RBMS3: variants seen among roughly 807,000 people sequenced by gnomAD.
RBMS3 encodes RNA binding motif single stranded interacting protein 3.
In RBMS3, 27 loss-of-function variants were observed where a neutral mutation model predicts 66.8. That is an observed-to-expected ratio of 0.40 (90% CI 0.30 to 0.56). The LOEUF is 0.56. Among genes scored for constraint, RBMS3 ranks in the 20% least tolerant of loss-of-function variants. RBMS3 has a pLI of 0.40. For missense variants in RBMS3, 513 were observed against 549.5 expected (o/e 0.93, Z 0.66); for synonymous variants, 188 against 183.0 (o/e 1.03, Z -0.22).
chr3:29,784,930 A>G (rs1262599435), intron 6 of RBMS3, among the ~76,000 whole-genome samples: 4 of 152,110 alleles, frequency 2.6e-5, no homozygotes, highest in Non-Finnish European at 5.9e-5. Flanking sequence ...TGGAAAACCT[A>G]GAGGAGATGG....
intron 4 of RBMS3, among the ~76,000 whole-genome samples, chr3:29,663,188 AT>A (rs1559547670): frequency 6.6e-6 from 1 of 152,170 alleles, no homozygotes. Flanking sequence ...TGTGGAATAA[AT>A]TTTTTTAAAT....
chr3:29,461,966 T>C (rs11922140), intron 2 of RBMS3, among the ~76,000 whole-genome samples: 129,321 of 136,466 alleles, frequency 0.95, 61,328 homozygotes, highest in African/African-American at 0.98. Context: ...TTAGTACAGA[T>C]GAGGTTTCAC....
chr3:29,469,901 G>A (rs889401911), intron 2 of RBMS3, among the ~76,000 whole-genome samples: 1 of 148,360 alleles, frequency 6.7e-6, no homozygotes, highest in Admixed American at 6.8e-5. Flanking sequence ...TTTATAAAAA[G>A]CCTTTCACAT....
intron 3 of RBMS3, among the ~76,000 whole-genome samples, chr3:29,551,410 T>G (rs2149032209): frequency 6.6e-6 from 1 of 152,328 alleles, no homozygotes; most frequent in Admixed American, 6.5e-5. Context: ...AAGCCCCAAA[T>G]TAGATGTATT....
chr3:29,794,805 G>T (rs1297027819), intron 6 of RBMS3, among the ~76,000 whole-genome samples: 1 of 152,148 alleles, frequency 6.6e-6, no homozygotes, highest in Admixed American at 6.5e-5. Flanking sequence ...CATGTGCCCG[G>T]TACACAGCTA....
chr3:29,580,122 T>C (rs2047272622), intron 3 of RBMS3, among the ~76,000 whole-genome samples: 2 of 152,196 alleles, frequency 1.3e-5, no homozygotes, highest in African/African-American at 4.8e-5. Context: ...AATTTGTCTG[T>C]CTTTGTAATT....
At chr3:29,454,368 G>A (rs984567195) in intron 2 of RBMS3, among the ~76,000 whole-genome samples, 6 of 152,204 alleles carry the variant, frequency 3.9e-5, no homozygotes, top group Non-Finnish European at 7.3e-5. Flanking sequence ...CACAGACACC[G>A]TAATACTGTT....
intron 4 of RBMS3, among the ~76,000 whole-genome samples, chr3:29,708,988 G>T (rs998914481): frequency 2.0e-5 from 3 of 152,120 alleles, no homozygotes; most frequent in Non-Finnish European, 4.4e-5. Flanking sequence ...TGTATTTTAT[G>T]CCTGGCCGTC....
chr3:29,786,497 G>T (rs10222391), intron 6 of RBMS3, among the ~76,000 whole-genome samples: 3 of 151,832 alleles, frequency 2.0e-5, no homozygotes, highest in Non-Finnish European at 2.9e-5. Flanking sequence ...AAAAATAGGC[G>T]CATAGACCAA....
chr3:30,001,140 T>G (rs1043765468), intron 14 of RBMS3, among the ~76,000 whole-genome samples: 1 of 152,120 alleles, frequency 6.6e-6, no homozygotes, highest in Non-Finnish European at 1.5e-5. Flanking sequence ...ACAATTTTTT[T>G]AAATATTCAT....
At chr3:29,340,934 ATTAAT>A (rs1375060528) in intron 1 of RBMS3, among the ~76,000 whole-genome samples, 3 of 152,062 alleles carry the variant, frequency 2.0e-5, no homozygotes, top group South Asian at 2.1e-4. Context: ...TGCTTTTTAA[ATTAAT>A]TTAAACTTAG....
chr3:29,660,458 G>A (rs1055545474), intron 4 of RBMS3, among the ~76,000 whole-genome samples: 5 of 152,070 alleles, frequency 3.3e-5, no homozygotes, highest in Admixed American at 3.3e-4. Flanking sequence ...GCAGATAGTT[G>A]GATTATGTTT....
chr3:29,966,086 A>C (rs562071405), intron 12 of RBMS3, among the ~76,000 whole-genome samples: 1 of 152,134 alleles, frequency 6.6e-6, no homozygotes, highest in Non-Finnish European at 1.5e-5. Context: ...CCATTGGTCT[A>C]TGTGCCTATT....
chr3:29,701,964 C>G (rs1392746911), intron 4 of RBMS3, among the ~76,000 whole-genome samples: 3 of 152,176 alleles, frequency 2.0e-5, no homozygotes, highest in Non-Finnish European at 4.4e-5. Flanking sequence ...TGCCCGCGGC[C>G]GTGGCGCGGG....
intron 12 of RBMS3, among the ~76,000 whole-genome samples, chr3:29,948,962 G>A (rs912786425): frequency 2.6e-5 from 4 of 151,764 alleles, no homozygotes; most frequent in African/African-American, 9.6e-5. Flanking sequence ...TCACAGGAGT[G>A]GTCTGCAGAG....
At chr3:29,667,437 A>T (rs2050814007) in intron 4 of RBMS3, among the ~76,000 whole-genome samples, 1 of 152,192 alleles carries the variant, frequency 6.6e-6, no homozygotes, top group Admixed American at 6.5e-5. Flanking sequence ...CCTATTAATC[A>T]AAACTCTGAG....
chr3:29,281,540 G>A lies in RBMS3; in HGVS notation c.-142G>A. ...TGTTTTTTAAAAAAATTCTTGCTGT[G>A]TTGGAACTAGCGAGTGGTGGAGTCT... is the stretch of plus-strand genomic sequence containing the variant. On this transcript the variant is annotated 5_prime_UTR_variant, in exon 1 of 15. Coordinates refer to ENST00000383767, the MANE Select transcript of RBMS3 (RefSeq NM_001003793.3). 1 of 632,128 alleles carries A rather than the reference G, an allele frequency of 1.6e-6. No individual in the cohort carries two copies. The highest frequency in any genetic ancestry group is 2.8e-6 in the Non-Finnish European group (1 of 356,378). The allele number at this position is 632,128 out of a possible 1,614,324, so 39.2% of individuals were successfully genotyped here. A position where few individuals can be genotyped will look rare whatever the true frequency, so the allele number is the denominator to read the frequency against.
chr3:29,439,366 G>A (rs1038369370), intron 2 of RBMS3, among the ~76,000 whole-genome samples: 6 of 152,164 alleles, frequency 3.9e-5, no homozygotes, highest in Admixed American at 2.6e-4. Flanking sequence ...ATTAGAGTAG[G>A]AATAGTTGAA....
chr3:29,938,444 C>T (rs1577200799), intron 11 of RBMS3, among the ~76,000 whole-genome samples: 1 of 151,936 alleles, frequency 6.6e-6, no homozygotes, highest in Non-Finnish European at 1.5e-5. Flanking sequence ...ATAAGATTTG[C>T]ATTACCTGAT....
Sources: allele counts gnomAD v4.1 joint callset (sites outside exome capture counted in the v4.1 genomes callset), GRCh38; gene constraint gnomAD v4.1.1; transcripts MANE v1.5; gene names NCBI Gene and HGNC (gene_info 2026-07-23, HGNC 2026-07-21).